Variants in AGPAT4 observed in about 807,000 individuals in gnomAD.
AGPAT4 encodes the protein 1-acyl-sn-glycerol-3-phosphate acyltransferase delta.
AGPAT4 carries 15 observed loss-of-function variants against 48.0 expected under a neutral mutation model. The ratio of observed to expected loss-of-function variants is 0.31; its 90% CI spans 0.21 to 0.48. The LOEUF (loss-of-function observed/expected upper bound fraction) is 0.48, where lower values mean the gene tolerates loss of function less well. Among genes scored for constraint, AGPAT4 ranks in the 20% least tolerant of loss-of-function variants. The pLI is 0.99. For missense variants in AGPAT4, 314 were observed against 482.5 expected (o/e 0.65, Z 3.27); for synonymous variants, 178 against 198.7 (o/e 0.90, Z 0.88).
rs754370139 is a variant in AGPAT4, at chr6:161,238,699, T to C, written c.-89-6397A>G. On this transcript the variant is annotated intron_variant, in intron 1 of 8. Transcript: ENST00000320285. The surrounding 1 kb of genome is among the most constrained non-coding windows in gnomAD (Gnocchi z 5.2). ...ACCCAAATCTTACCTTGAATTGTAG[T>C]TCCCATAATCTCCACATGTCGTGGG... Among the ~76,000 whole-genome samples the C allele has an allele frequency of 1.4e-4, 21 of 152,208 alleles. No homozygotes were observed. Among genetic ancestry groups the C allele is most frequent in the Non-Finnish European group, 2.8e-4 (19 of 68,030 alleles).
rs1782545665 is a variant in AGPAT4 at position 161,243,220 on chromosome 6, G to A, written c.-89-10918C>T. ...AAGCCTGTGAGGGCTGGAACGACAT[G>A]GGAGCTGGGGACAGTGAAGGGGCAG... On this transcript the variant is annotated intron_variant, in intron 1 of 8. Transcript: ENST00000320285. The surrounding 1 kb of genome is among the most constrained non-coding windows in gnomAD (Gnocchi z 4.8). Among the ~76,000 whole-genome samples the A allele has an allele frequency of 6.6e-6, 1 of 152,266 alleles. No individual in the cohort carries two copies. The highest frequency in any genetic ancestry group is 2.4e-5 in the African/African-American group (1 of 41,560).
At chr6:161,167,376 C>G (rs930978092) in intron 2 of AGPAT4, among the ~76,000 whole-genome samples, 7 of 152,130 alleles carry the variant, frequency 4.6e-5, no homozygotes, top group African/African-American at 1.7e-4. Flanking sequence ...CAGGTGTGCA[C>G]CACCATGCCC....
rs919161422 is a variant in AGPAT4 at position 161,225,112 on chromosome 6, C to T, written c.178+6924G>A. 6.6e-6 allele frequency among the ~76,000 whole-genome samples: 1 copy of T among 150,538 alleles called. No homozygotes were observed. Among genetic ancestry groups the T allele is most frequent in the Admixed American group, 6.6e-5 (1 of 15,198 alleles). ...CGGATTATTACCTGCTCTACCCAGA[C>T]TCATTCGGATTACCTGCTCCACCCT... On this transcript the variant is annotated intron_variant, in intron 2 of 8. Transcript: ENST00000320285. This position sits in a 1 kb window ranked among gnomAD's most constrained non-coding sequence, Gnocchi z 5.0.
chr6:161,161,836 C>T lies in AGPAT4; in HGVS notation c.348+4412G>A, dbSNP rs189787163. On this transcript the variant is annotated intron_variant, in intron 3 of 8. Transcript: ENST00000320285. This position sits in a 1 kb window ranked among gnomAD's most constrained non-coding sequence, Gnocchi z 4.6. ...ATCGTTGTCATGATCGAAAATCCTT[C>T]GTTTAAAGAGGCAGCACAGGGCTTT... 502 of 275,752 alleles carry T rather than the reference C, an allele frequency of 1.8e-3. 1 individual carries two copies. The highest frequency in any genetic ancestry group is 0.01 in the African/African-American group (473 of 46,058). The allele number at this position is 275,752 out of a possible 1,614,324, so 17.1% of individuals were successfully genotyped here.
chr6:161,153,992 CA>C (rs1779685492), intron 4 of AGPAT4, 156 bp downstream of exon 4: 2 of 984,532 alleles, frequency 2.0e-6, no homozygotes, highest in Admixed American at 2.1e-5. Context: ...CCCATGGTCA[CA>C]TACATCCCTG....
rs1045365498 is a variant in AGPAT4, at chr6:161,223,799, T to C, written c.178+8237A>G. ...TGTGCCAAAGTGAAAGGCTCTCCAC[T>C]CAAAGACCTCCTGGCCCCAATCTCT... is the stretch of plus-strand genomic sequence containing the variant. On this transcript the variant is annotated intron_variant, in intron 2 of 8. Transcript: ENST00000320285. This position sits in a 1 kb window ranked among gnomAD's most constrained non-coding sequence, Gnocchi z 6.3. 1.3e-4 allele frequency among the ~76,000 whole-genome samples: 20 copies of C among 152,130 alleles called. No homozygotes were observed. Among genetic ancestry groups the C allele is most frequent in the Non-Finnish European group, 8.8e-5 (6 of 68,038 alleles).
At position 161,272,729 on chromosome 6, in the gene AGPAT4, C is replaced by CACACA. The variant is rs1251444959; in HGVS notation, c.-90+1208_-90+1209insTGTGT. ...AAACACACACACACACACACACACA[C>CACACA]ACAAACACACACATTCTCCCTTCTC... On this transcript the variant is annotated intron_variant, in intron 1 of 8. Transcript: ENST00000320285. The surrounding 1 kb of genome is among the most constrained non-coding windows in gnomAD (Gnocchi z 4.2). Among the ~76,000 whole-genome samples, 266 of 152,048 alleles carry CACACA rather than the reference C, an allele frequency of 1.7e-3. No homozygotes were observed. The highest frequency in any genetic ancestry group is 5.7e-3 in the African/African-American group (236 of 41,428).
Position 161,245,274 on chromosome 6 carries a change from C to T in AGPAT4, c.-89-12972G>A, listed in dbSNP as rs1290657598. Among the ~76,000 whole-genome samples, 5 of 152,218 alleles carry T rather than the reference C, an allele frequency of 3.3e-5. No individual in the cohort carries two copies. The highest frequency in any genetic ancestry group is 2.1e-4 in the South Asian group (1 of 4,826). ...TCAGCTTCCTCCTTTGTCAACAGGA[C>T]GTACTGACATACACGCCGGCCCCAC... On this transcript the variant is annotated intron_variant, in intron 1 of 8. Transcript: ENST00000320285. This position sits in a 1 kb window ranked among gnomAD's most constrained non-coding sequence, Gnocchi z 5.2.
At chr6:161,207,268 C>T (rs1300938923) in intron 2 of AGPAT4, among the ~76,000 whole-genome samples, 4 of 152,152 alleles carry the variant, frequency 2.6e-5, no homozygotes, top group Non-Finnish European at 5.9e-5. Flanking sequence ...ATAAGAGCTC[C>T]TCTCGCTCCT....
chr6:161,183,104 G>T (rs1780647526), intron 2 of AGPAT4, among the ~76,000 whole-genome samples: 1 of 152,176 alleles, frequency 6.6e-6, no homozygotes, highest in African/African-American at 2.4e-5. Context: ...CTGACATTGA[G>T]ATTTTAAACT....
At position 161,137,687 on chromosome 6, in the gene AGPAT4, C is replaced by A. The variant is rs1167393924; in HGVS notation, c.1043-1053G>T. ...TCCTTCAGGGAAGAATGCAGTCAGGCGCAGGCTCAGAGTAATGGGGCACGG... is the reference window on the plus strand; with the variant it reads ...TCCTTCAGGGAAGAATGCAGTCAGGAGCAGGCTCAGAGTAATGGGGCACGG... On this transcript the variant is annotated intron_variant, in intron 8 of 8. Coordinates refer to ENST00000320285, the MANE Select transcript of AGPAT4 (RefSeq NM_020133.3). This position sits in a 1 kb window ranked among gnomAD's most constrained non-coding sequence, Gnocchi z 6.1. Among the ~76,000 whole-genome samples the A allele has an allele frequency of 6.6e-6, 1 of 152,136 alleles. No homozygotes were observed. Among genetic ancestry groups the A allele is most frequent in the African/African-American group, 2.4e-5 (1 of 41,422 alleles).
intron 2 of AGPAT4, among the ~76,000 whole-genome samples, chr6:161,168,834 A>G (rs1780185348): frequency 6.6e-6 from 1 of 152,194 alleles, no homozygotes; most frequent in African/African-American, 2.4e-5. Flanking sequence ...AGACACATCC[A>G]GGCTCCGATC....
Position 161,240,955 on chromosome 6 carries a change from A to G in AGPAT4, c.-89-8653T>C, listed in dbSNP as rs564566409. Among the ~76,000 whole-genome samples, 1 of 152,258 alleles carries G rather than the reference A, an allele frequency of 6.6e-6. No individual in the cohort carries two copies. The highest frequency in any genetic ancestry group is 6.5e-5 in the Admixed American group (1 of 15,290). On this transcript the variant is annotated intron_variant, in intron 1 of 8. Coordinates refer to ENST00000320285, the MANE Select transcript of AGPAT4 (RefSeq NM_020133.3). This position sits in a 1 kb window ranked among gnomAD's most constrained non-coding sequence, Gnocchi z 5.5. ...CTTTGGGACGAGCTCTAAGTAACAT[A>G]GTCCTCAATTAAAAAATAATCATCA... is the stretch of plus-strand genomic sequence containing the variant.
rs934591411 is a variant in AGPAT4 at position 161,202,793 on chromosome 6, C to T, written c.178+29243G>A. On this transcript the variant is annotated intron_variant, in intron 2 of 8. Transcript: ENST00000320285. This position sits in a 1 kb window ranked among gnomAD's most constrained non-coding sequence, Gnocchi z 5.4. The stretch of plus-strand genomic sequence containing the variant: ...AAGGCCAGGTCATAACCTTATGCCC[C>T]GTGAATGGGGACACTGACTTTTGGA... Among the ~76,000 whole-genome samples the T allele has an allele frequency of 4.6e-5, 7 of 152,236 alleles. No homozygotes were observed. Among genetic ancestry groups the T allele is most frequent in the East Asian group, 1.9e-4 (1 of 5,176 alleles).
At position 161,262,201 on chromosome 6, in the gene AGPAT4, A is replaced by G. The variant is rs908361507; in HGVS notation, c.-90+11737T>C. 3.9e-5 allele frequency among the ~76,000 whole-genome samples: 6 copies of G among 152,058 alleles called. No homozygotes were observed. The highest frequency in any genetic ancestry group is 1.2e-4 in the African/African-American group (5 of 41,382). On this transcript the variant is annotated intron_variant, in intron 1 of 8. Transcript: ENST00000320285. This position sits in a 1 kb window ranked among gnomAD's most constrained non-coding sequence, Gnocchi z 4.9. ...GTCCTCTCAGCCCATAATCATTTAT[A>G]GAACTTAAAAAAAAATGAGCCTGAA...
At chr6:161,179,129 GCTGA>G (rs1053853314) in intron 2 of AGPAT4, among the ~76,000 whole-genome samples, 2 of 152,102 alleles carry the variant, frequency 1.3e-5, no homozygotes, top group African/African-American at 4.8e-5. Context: ...CTATTCAGGG[GCTGA>G]CTGAAGAACA....
At chr6:161,227,839 T>C (rs1782024290) in intron 2 of AGPAT4, among the ~76,000 whole-genome samples, 1 of 152,098 alleles carries the variant, frequency 6.6e-6, no homozygotes, top group Non-Finnish European at 1.5e-5. Flanking sequence ...GTTACACAAA[T>C]ACAGCGGCAA....
In AGPAT4 at chr6:161,197,552, G is replaced by C. The variant is rs185541259; in HGVS notation, c.179-31135C>G. On this transcript the variant is annotated intron_variant, in intron 2 of 8. Coordinates refer to ENST00000320285, the MANE Select transcript of AGPAT4 (RefSeq NM_020133.3). The surrounding 1 kb of genome is among the most constrained non-coding windows in gnomAD (Gnocchi z 5.7). ...TGCCTCAGCCCTCTAGGAATGTACC[G>C]ACTGATGTACGCATTACTCCTGGGG... 6.6e-6 allele frequency among the ~76,000 whole-genome samples: 1 copy of C among 152,216 alleles called. No individual in the cohort carries two copies. The highest frequency in any genetic ancestry group is 2.1e-4 in the South Asian group (1 of 4,814).
chr6:161,136,504 C>T lies in AGPAT4; in HGVS notation c.*36G>A. 6.3e-7 allele frequency: 1 copy of T among 1,595,518 alleles called. No individual in the cohort carries two copies. The highest frequency in any genetic ancestry group is 1.1e-5 in the South Asian group (1 of 90,672). On this transcript the variant is annotated 3_prime_UTR_variant, in exon 9 of 9. Coordinates refer to ENST00000320285, the MANE Select transcript of AGPAT4 (RefSeq NM_020133.3). ...GAGGATATGCAGAGGCCACCAGTTC[C>T]CCAAGGTTCCCTTCGGATGGTGACA...
Sources: gnomAD v4.1 joint callset for allele counts (sites outside exome capture counted in the v4.1 genomes callset) on GRCh38, gnomAD v4.1.1 for gene constraint, Gnocchi (gnomAD v3.1) non-coding constraint, MANE v1.5 for transcripts, NCBI Gene and HGNC (gene_info 2026-07-23, HGNC 2026-07-21) for gene names.